PLLP: variants seen among roughly 807,000 people sequenced by gnomAD.
PLLP encodes the protein plasma membrane proteolipid (plasmolipin).
In PLLP, 15 loss-of-function variants were observed where a neutral mutation model predicts 19.7. The observed-to-expected ratio is 0.76, with a 90% CI of 0.51 to 1.17. The LOEUF is 1.17. Among genes scored for constraint, PLLP ranks in the 50% most tolerant of loss-of-function variants. The pLI, the probability that PLLP is intolerant of heterozygous loss-of-function variation, is 0.00. For synonymous variants in PLLP, 111 were observed against 116.3 expected (o/e 0.95, Z 0.29); for missense variants, 255 against 258.3 (o/e 0.99, Z 0.09).
Position 57,262,070 on chromosome 16 carries a change from C to T in PLLP, c.136G>A (p.Val46Met). The T allele has an allele frequency of 6.2e-7, 1 of 1,614,140 alleles. No individual in the cohort carries two copies. Among genetic ancestry groups the T allele is most frequent in the Non-Finnish European group, 8.5e-7 (1 of 1,179,972 alleles). Residue 46 changes from valine (V) to methionine (M), a missense_variant and splice_region_variant, in exon 2 of 4, where the codon GTG (valine) becomes ATG (methionine). Coordinates refer to ENST00000219207, the MANE Select transcript of PLLP (RefSeq NM_015993.3). Reference sequence around the variant, plus strand: ...AGCGCCCACACCAGCAGCCCCAGCACCTAGGAGGGTCAGACAAGGCAGGAT... The same window carrying T: ...AGCGCCCACACCAGCAGCCCCAGCATCTAGGAGGGTCAGACAAGGCAGGAT... ...RLGALMLLQL[V>M]LGLLVWALIA... is the part of the protein sequence containing the mutation.
At position 57,256,807 on chromosome 16, in the gene PLLP, T is replaced by C; in HGVS notation, c.*106A>G. 1.4e-6 allele frequency: 1 copy of C among 735,008 alleles called. No homozygotes were observed. The highest frequency in any genetic ancestry group is 2.4e-6 in the Non-Finnish European group (1 of 419,156). 45.5% of individuals were successfully genotyped at this position (735,008 alleles called of 1,614,324 possible). A position where few individuals can be genotyped will look rare whatever the true frequency, so the allele number is the denominator to read the frequency against. ...CAGAGAGGAGCAAATGCAGTCCCTG[T>C]TGGGCTGACTCCACGCAGGGCTCCC... On this transcript the variant is annotated 3_prime_UTR_variant, in exon 4 of 4. Coordinates refer to ENST00000219207, the MANE Select transcript of PLLP (RefSeq NM_015993.3).
chr16:57,284,134 G>A (rs1163446603), intron 1 of PLLP, among the ~76,000 whole-genome samples: 1 of 152,152 alleles, frequency 6.6e-6, no homozygotes, highest in African/African-American at 2.4e-5. Context: ...GCACGATGGG[G>A]CACGGGCAGT....
At chr16:57,272,782 C>T (rs1355479109) in intron 1 of PLLP, among the ~76,000 whole-genome samples, 1 of 152,012 alleles carries the variant, frequency 6.6e-6, no homozygotes, top group Non-Finnish European at 1.5e-5. Context: ...GCAAGATCCC[C>T]ATCTCTACAA....
chr16:57,264,339 A>G (rs2146441034), intron 1 of PLLP, among the ~76,000 whole-genome samples: 1 of 152,328 alleles, frequency 6.6e-6, no homozygotes, highest in South Asian at 2.1e-4. Context: ...TTGGAAGTCA[A>G]AAGCTGTGTG....
chr16:57,279,534 C>T (rs1305591566), intron 1 of PLLP, among the ~76,000 whole-genome samples: 1 of 151,986 alleles, frequency 6.6e-6, no homozygotes, highest in African/African-American at 2.4e-5. Flanking sequence ...CTTAGCCAGG[C>T]ATTGTGGCAT....
chr16:57,271,117 C>T (rs562530129), intron 1 of PLLP, among the ~76,000 whole-genome samples: 6 of 152,158 alleles, frequency 3.9e-5, no homozygotes, highest in East Asian at 1.9e-4. Context: ...TTCATTGTAT[C>T]GCTTGTTATT....
At position 57,284,600 on chromosome 16, in the gene PLLP, G is replaced by A. The variant is rs1901263128; in HGVS notation, c.-60C>T. On this transcript the variant is annotated 5_prime_UTR_variant, in exon 1 of 4. Transcript: ENST00000219207. Reference sequence around the variant, plus strand: ...CGCCGTCGCCGCCCCTCCAGCGGTGGGTGCCGGCTCCCGCGCCGCTTTTCC... The same window carrying A: ...CGCCGTCGCCGCCCCTCCAGCGGTGAGTGCCGGCTCCCGCGCCGCTTTTCC... 7.7e-7 allele frequency: 1 copy of A among 1,297,192 alleles called. No homozygotes were observed. Among genetic ancestry groups the A allele is most frequent in the Non-Finnish European group, 9.8e-7 (1 of 1,016,624 alleles). The allele number at this position is 1,297,192 out of a possible 1,614,324, so 80.4% of individuals were successfully genotyped here.
intron 1 of PLLP, among the ~76,000 whole-genome samples, chr16:57,273,120 C>T (rs761720072): frequency 6.6e-6 from 1 of 151,132 alleles, no homozygotes; most frequent in Non-Finnish European, 1.5e-5. Flanking sequence ...ATTAGCCGGG[C>T]ACGGTGGCAG....
intron 1 of PLLP, among the ~76,000 whole-genome samples, chr16:57,263,581 G>A (rs1217100407): frequency 6.6e-6 from 1 of 152,134 alleles, no homozygotes; most frequent in Non-Finnish European, 1.5e-5. Context: ...AGAATTCTCT[G>A]CGGCAGGTTT....
Position 57,284,594 on chromosome 16 carries a change from G to T in PLLP, c.-54C>A, listed in dbSNP as rs1290468556. The stretch of plus-strand genomic sequence containing the variant: ...TACGGCCGCCGTCGCCGCCCCTCCA[G>T]CGGTGGGTGCCGGCTCCCGCGCCGC... On this transcript the variant is annotated 5_prime_UTR_variant, in exon 1 of 4. In the 5' UTR this introduces an upstream ATG that the reference lacks. Coordinates refer to ENST00000219207, the MANE Select transcript of PLLP (RefSeq NM_015993.3). 3.1e-6 allele frequency: 4 copies of T among 1,302,518 alleles called. No homozygotes were observed. Among genetic ancestry groups the T allele is most frequent in the African/African-American group, 1.5e-5 (1 of 66,008 alleles). The allele number at this position is 1,302,518 out of a possible 1,614,324, so 80.7% of individuals were successfully genotyped here. A position where few individuals can be genotyped will look rare whatever the true frequency, so the allele number is the denominator to read the frequency against.
At chr16:57,264,193 G>A (rs2075450238) in intron 1 of PLLP, among the ~76,000 whole-genome samples, 1 of 151,300 alleles carries the variant, frequency 6.6e-6, no homozygotes, top group Admixed American at 6.6e-5. Context: ...GACAAGACTC[G>A]GGGGCCTGTA....
At chr16:57,258,730 T>A (rs1435336076) in intron 2 of PLLP, 146 bp from the exon 3 acceptor site, 9 of 752,102 alleles carry the variant, frequency 1.2e-5, no homozygotes, top group Non-Finnish European at 2.0e-5. Flanking sequence ...GAGACCAGCC[T>A]GGGGAACATA....
At chr16:57,273,459 C>T (rs1426590134) in intron 1 of PLLP, among the ~76,000 whole-genome samples, 1 of 152,130 alleles carries the variant, frequency 6.6e-6, no homozygotes, top group African/African-American at 2.4e-5. Context: ...CCTGCAACTC[C>T]CTGTGAGACC....
At chr16:57,272,219 T>A (rs903383256) in intron 1 of PLLP, among the ~76,000 whole-genome samples, 4 of 152,304 alleles carry the variant, frequency 2.6e-5, no homozygotes, top group Non-Finnish European at 5.9e-5. Context: ...TGAACCAAGG[T>A]CATGCCTGGT....
intron 1 of PLLP, among the ~76,000 whole-genome samples, chr16:57,270,591 C>T (rs1259885780): frequency 2.0e-5 from 3 of 151,982 alleles, no homozygotes; most frequent in African/African-American, 4.8e-5. Flanking sequence ...CTTCTCCCTA[C>T]AGTGAAAGGG....
At chr16:57,279,954 C>T (rs1323721524) in intron 1 of PLLP, among the ~76,000 whole-genome samples, 2 of 152,240 alleles carry the variant, frequency 1.3e-5, no homozygotes, top group South Asian at 2.1e-4. Context: ...AACCAAATGG[C>T]CTTACCGCCA....
At chr16:57,260,172 A>C (rs1220662238) in intron 2 of PLLP, among the ~76,000 whole-genome samples, 3 of 152,138 alleles carry the variant, frequency 2.0e-5, no homozygotes, top group Non-Finnish European at 4.4e-5. Context: ...CCCCCATGCC[A>C]GAAAATCCCA....
chr16:57,257,360 C>T (rs111234776), intron 3 of PLLP, among the ~76,000 whole-genome samples: 1,564 of 152,262 alleles, frequency 0.01, 34 homozygotes, highest in African/African-American at 0.035. Flanking sequence ...CCCTAGGAAT[C>T]TCCTAGAACC....
At position 57,256,114 on chromosome 16, in the gene PLLP, AT is replaced by A; in HGVS notation, c.*798del. 2.5e-6 allele frequency: 1 copy of A among 398,466 alleles called. No homozygotes were observed. The highest frequency in any genetic ancestry group is 4.4e-6 in the Non-Finnish European group (1 of 226,018). The allele number at this position is 398,466 out of a possible 1,614,324, so 24.7% of individuals were successfully genotyped here. Reference sequence around the variant, plus strand: ...TGTCCAAATAATTTCTCTCATCTTTATTTTTATTAAAAAAAATAAAACAGTC... The same window carrying A: ...TGTCCAAATAATTTCTCTCATCTTTATTTTATTAAAAAAAATAAAACAGTC... On this transcript the variant is annotated 3_prime_UTR_variant, in exon 4 of 4. Transcript: ENST00000219207.
Sources: allele counts gnomAD v4.1 joint callset (sites outside exome capture counted in the v4.1 genomes callset), GRCh38; gene constraint gnomAD v4.1.1; transcripts MANE v1.5; gene names NCBI Gene and HGNC (gene_info 2026-07-23, HGNC 2026-07-21).